Variants in HECW1 observed in about 807,000 individuals in gnomAD.
The protein encoded by HECW1 is E3 ubiquitin-protein ligase HECW1.
HECW1 carries 61 observed loss-of-function variants against 182.3 expected under a neutral mutation model. That is an observed-to-expected ratio of 0.33 (90% CI 0.27 to 0.41). The LOEUF (loss-of-function observed/expected upper bound fraction) is 0.41. Ranked by LOEUF, HECW1 falls within the 10% of genes least tolerant of loss-of-function variation. The pLI is 1.00. For synonymous variants in HECW1, 859 were observed against 832.6 expected (o/e 1.03, Z -0.55); for missense variants, 1,739 against 2,108.9 (o/e 0.82, Z 3.44).
intron 7 of HECW1, among the ~76,000 whole-genome samples, chr7:43,402,754 C>T (rs929068120): frequency 2.0e-5 from 3 of 152,184 alleles, no homozygotes; most frequent in Non-Finnish European, 4.4e-5. Flanking sequence ...TCCAACAGTA[C>T]AATGAACATA....
intron 17 of HECW1, among the ~76,000 whole-genome samples, chr7:43,491,223 T>C (rs533463831): frequency 6.6e-6 from 1 of 152,374 alleles, no homozygotes; most frequent in Non-Finnish European, 1.5e-5. Flanking sequence ...ATTAGAATCC[T>C]GGTTATCCCC....
chr7:43,444,158 A>T lies in HECW1; in HGVS notation c.1046-60A>T. 1 of 1,500,414 alleles carries T rather than the reference A, an allele frequency of 6.7e-7. No homozygotes were observed. The highest frequency in any genetic ancestry group is 1.3e-5 in the South Asian group (1 of 78,232). The allele number at this position is 1,500,414 out of a possible 1,614,324, so 92.9% of individuals were successfully genotyped here. A position where few individuals can be genotyped will look rare whatever the true frequency, so the allele number is the denominator to read the frequency against. On this transcript the variant is annotated intron_variant, in intron 10 of 29. Coordinates refer to ENST00000395891, the MANE Select transcript of HECW1 (RefSeq NM_015052.5). The surrounding 1 kb of genome is among the most constrained non-coding windows in gnomAD (Gnocchi z 4.3). ...TGATGGCTTACATGTCCCACAGGGT[A>T]TCCTAACACCACAATGCTCTCTTCT...
At chr7:43,161,794 C>T (rs1172713841) in intron 2 of HECW1, 1 of 152,238 alleles carries the variant, frequency 6.6e-6, no homozygotes, top group African/African-American at 2.4e-5. Context: ...TCCTTTTTCT[C>T]CAGTCCCTAA....
chr7:43,280,135 A>G (rs1223278336), intron 3 of HECW1, among the ~76,000 whole-genome samples: 3 of 152,256 alleles, frequency 2.0e-5, no homozygotes, highest in Admixed American at 6.5e-5. Context: ...CAGGACTAGG[A>G]ATTCTTATCA....
chr7:43,128,665 C>T (rs73097355), intron 2 of HECW1, among the ~76,000 whole-genome samples: 7,222 of 152,268 alleles, frequency 0.047, 243 homozygotes, highest in East Asian at 0.16. Flanking sequence ...TTAAGAAATA[C>T]ATTTCTTGAT....
chr7:43,494,021 A>G (rs896790534), intron 19 of HECW1, among the ~76,000 whole-genome samples: 11 of 152,146 alleles, frequency 7.2e-5, no homozygotes, highest in Admixed American at 1.3e-4. Flanking sequence ...CATGTGGTGC[A>G]GTCTTGTGAA....
chr7:43,320,025 T>C (rs916735595), intron 4 of HECW1, among the ~76,000 whole-genome samples: 3 of 152,062 alleles, frequency 2.0e-5, no homozygotes, highest in Non-Finnish European at 2.9e-5. Context: ...ACCATACTGG[T>C]TTTGCCCAAC....
At chr7:43,375,153 T>C (rs2074274992) in intron 6 of HECW1, among the ~76,000 whole-genome samples, 1 of 152,212 alleles carries the variant, frequency 6.6e-6, no homozygotes, top group Non-Finnish European at 1.5e-5. Flanking sequence ...AAGGGGTTCC[T>C]GGAGGAAGAA....
rs1486623923 is a variant in HECW1, at chr7:43,390,722, T to A, written c.556-6092T>A. Among the ~76,000 whole-genome samples, 5 of 151,898 alleles carry A rather than the reference T, an allele frequency of 3.3e-5. No individual in the cohort carries two copies. In the East Asian group the frequency reaches 9.7e-4, roughly 29 times the overall value. On this transcript the variant is annotated intron_variant, in intron 6 of 29. Coordinates refer to ENST00000395891, the MANE Select transcript of HECW1 (RefSeq NM_015052.5). The stretch of plus-strand genomic sequence containing the variant: ...TTAAGTCTTTCAGACCAAATATTGA[T>A]TCATCTCAAGTGAATTTTGTGAAGT...
intron 8 of HECW1, among the ~76,000 whole-genome samples, chr7:43,417,004 GGGAGCTGTAGACC>G (rs1175079202): frequency 6.6e-6 from 1 of 152,196 alleles, no homozygotes. Flanking sequence ...CGCTCACGCT[GGGAGCTGTAGACC>G]GGAGCTGTTC....
intron 2 of HECW1, among the ~76,000 whole-genome samples, chr7:43,221,593 G>T (rs1436454622): frequency 1.9e-5 from 2 of 104,614 alleles, no homozygotes; most frequent in African/African-American, 3.6e-5. Flanking sequence ...ACAGCCTGTT[G>T]CCCAGGCTGG....
intron 6 of HECW1, among the ~76,000 whole-genome samples, chr7:43,365,656 T>G (rs1435361246): frequency 6.6e-6 from 1 of 152,260 alleles, no homozygotes; most frequent in Non-Finnish European, 1.5e-5. Flanking sequence ...TCATATTCTG[T>G]ATCTTCTGGC....
intron 2 of HECW1, among the ~76,000 whole-genome samples, chr7:43,152,902 C>A (rs542485440): frequency 6.6e-6 from 1 of 152,308 alleles, no homozygotes; most frequent in Admixed American, 6.5e-5. Context: ...CTTAAGTCAG[C>A]ATGGTGCAAT....
rs202172981 is a variant in HECW1, at chr7:43,444,899, G to A, written c.1727G>A (p.Gly576Asp). The change falls in exon 11 of 30, where the codon GGC becomes GAC. Residue 576 changes from glycine to aspartate, a missense_variant. Around this residue, in one of 5 missense-constraint regions of HECW1, gnomAD observed 971 missense variants for 1,029.1 expected, o/e 0.94. Coordinates refer to ENST00000395891, the MANE Select transcript of HECW1 (RefSeq NM_015052.5). The surrounding 1 kb of genome is among the most constrained non-coding windows in gnomAD (Gnocchi z 4.3). ...LLHSMPSAQG[G>D]SAAEEEDGAE... is the part of the protein sequence containing the mutation. ...CACAGCATGCCCTCCGCCCAGGGCG[G>A]CAGCGCGGCAGAGGAGGAGGACGGC... The A allele has an allele frequency of 9.4e-4, 1,500 of 1,602,730 alleles. 23 individuals carry two copies. Among genetic ancestry groups the A allele is most frequent in the Admixed American group, 5.7e-4 (34 of 59,404 alleles).
At chr7:43,180,521 G>A (rs998027839) in intron 2 of HECW1, among the ~76,000 whole-genome samples, 2 of 151,966 alleles carry the variant, frequency 1.3e-5, no homozygotes, top group Admixed American at 1.3e-4. Context: ...TCAGCCTCCT[G>A]AGTAGCTGGG....
At chr7:43,118,949 T>A (rs912483194) in intron 2 of HECW1, 2 of 152,218 alleles carry the variant, frequency 1.3e-5, no homozygotes, top group African/African-American at 4.8e-5. Flanking sequence ...TTTTAAAGAA[T>A]ATGCTTCAAA....
At chr7:43,155,495 T>C (rs1789787401) in intron 2 of HECW1, among the ~76,000 whole-genome samples, 1 of 152,142 alleles carries the variant, frequency 6.6e-6, no homozygotes, top group African/African-American at 2.4e-5. Context: ...TATAAGGAAA[T>C]TGAGTTTACT....
chr7:43,192,800 G>A (rs562195071), intron 2 of HECW1, among the ~76,000 whole-genome samples: 15 of 152,206 alleles, frequency 9.9e-5, no homozygotes, highest in South Asian at 6.2e-4. Flanking sequence ...GTCACAGGGC[G>A]AACCCCAAAA....
intron 16 of HECW1, among the ~76,000 whole-genome samples, chr7:43,473,318 T>C (rs948187775): frequency 6.6e-6 from 1 of 152,216 alleles, no homozygotes; most frequent in Admixed American, 6.5e-5. Context: ...TTTAGAAATT[T>C]CCTGGTTTCA....
Sources: allele counts gnomAD v4.1 joint callset (sites outside exome capture counted in the v4.1 genomes callset), GRCh38; gene constraint gnomAD v4.1.1; regional missense constraint gnomAD v4.1.1; non-coding constraint Gnocchi (gnomAD v3.1); transcripts MANE v1.5; gene names NCBI Gene and HGNC (gene_info 2026-07-23, HGNC 2026-07-21).